The following DISP3 variants were observed in gnomAD, a reference collection of about 807,000 sequenced individuals.
DISP3 encodes the protein dispatched RND transporter family member 3.
A neutral mutation model predicts 135.3 loss-of-function variants in DISP3; 101 were observed. That is an observed-to-expected ratio of 0.75 (90% CI 0.64 to 0.88). DISP3 has a LOEUF of 0.88. Ranked by LOEUF, DISP3 falls within the 40% of genes least tolerant of loss-of-function variation. DISP3 has a pLI of 0.00. For missense variants in DISP3, 1,713 were observed against 1,878.6 expected, an observed-to-expected ratio of 0.91 and a Z score of 1.63; for synonymous variants, 856 against 817.0, an observed-to-expected ratio of 1.05 and a Z score of -0.81.
intron 17 of DISP3, among the ~76,000 whole-genome samples, chr1:11,533,118 C>T (rs1384186898): frequency 1.3e-5 from 2 of 151,956 alleles, no homozygotes; most frequent in Admixed American, 1.3e-4. Flanking sequence ...AGCTCTGTCC[C>T]TAGTAAACAC....
At chr1:11,533,868 C>G (rs1243158603) in intron 17 of DISP3, 1 of 717,386 alleles carries the variant, frequency 1.4e-6, no homozygotes, top group African/African-American at 1.7e-5. Context: ...ATGAGCACCT[C>G]TCGGGACTGG....
intron 1 of DISP3, among the ~76,000 whole-genome samples, chr1:11,489,550 C>T (rs1216373977): frequency 6.6e-6 from 1 of 152,214 alleles, no homozygotes; most frequent in Non-Finnish European, 1.5e-5. Flanking sequence ...AGTTATTCTG[C>T]AGAGAGGTGA....
At chr1:11,505,790 A>G (rs187403624) in intron 3 of DISP3, among the ~76,000 whole-genome samples, 12 of 152,336 alleles carry the variant, frequency 7.9e-5, no homozygotes, top group Admixed American at 4.6e-4. Flanking sequence ...AAGACATGAC[A>G]TCATTATTTT....
At chr1:11,515,332 C>T in intron 4 of DISP3, 37 bp from the exon 5 acceptor site, 1 of 1,611,300 alleles carries the variant, frequency 6.2e-7, no homozygotes. Flanking sequence ...CCATGAGGGT[C>T]CCCCCACCGT....
At position 11,533,467 on chromosome 1, in the gene DISP3, G is replaced by A. The variant is rs565968193; in HGVS notation, c.3376-914G>A. Among the ~76,000 whole-genome samples the A allele has an allele frequency of 4.6e-5, 7 of 152,060 alleles. No individual in the cohort carries two copies. In the East Asian group the frequency reaches 1.4e-3, roughly 29 times the overall value. ...AGACAGGGTTTCACCATGTTGGCCA[G>A]GCTGGTCTCGAACTCCTGATCTCAG... On this transcript the variant is annotated intron_variant, in intron 17 of 20. Coordinates refer to ENST00000294484, the MANE Select transcript of DISP3 (RefSeq NM_020780.2).
At chr1:11,523,519 G>A (rs1256529445) in intron 10 of DISP3, among the ~76,000 whole-genome samples, 1 of 142,730 alleles carries the variant, frequency 7.0e-6, no homozygotes, top group Admixed American at 7.0e-5. Flanking sequence ...AGGGGGCAGA[G>A]TGGCACAGAG....
chr1:11,532,455 C>T (rs143584899), intron 17 of DISP3, among the ~76,000 whole-genome samples: 10 of 152,202 alleles, frequency 6.6e-5, no homozygotes, highest in East Asian at 1.9e-4. Flanking sequence ...ATCAATGTGA[C>T]GGCTTAACTG....
intron 3 of DISP3, among the ~76,000 whole-genome samples, chr1:11,503,185 G>A (rs1452670229): frequency 6.6e-6 from 1 of 152,176 alleles, no homozygotes; most frequent in Non-Finnish European, 1.5e-5. Context: ...GATGGTGCTC[G>A]AGGTCTTTCT....
rs150474250 is a variant in DISP3 at position 11,519,547 on chromosome 1, C to G, written c.2038+44C>G. 1.0e-5 allele frequency: 16 copies of G among 1,603,202 alleles called. No homozygotes were observed. The highest frequency in any genetic ancestry group is 8.8e-5 in the South Asian group (8 of 90,504). ...CTGCCCTACTGACCCCAGTGAGACC[C>G]AGCGCTGCCTCTGCCAGGGGAGTAA... On this transcript the variant is annotated intron_variant, in intron 8 of 20. Coordinates refer to ENST00000294484, the MANE Select transcript of DISP3 (RefSeq NM_020780.2). This position sits in a 1 kb window ranked among gnomAD's most constrained non-coding sequence, Gnocchi z 4.3.
chr1:11,534,264 C>A, intron 17 of DISP3, 117 bp from the exon 18 acceptor site: 1 of 1,272,162 alleles, frequency 7.9e-7, no homozygotes, highest in Non-Finnish European at 1.1e-6. Context: ...GTTGTTCACA[C>A]CCTCCCCAAC....
At chr1:11,533,486 A>T (rs1570152155) in intron 17 of DISP3, among the ~76,000 whole-genome samples, 2 of 151,946 alleles carry the variant, frequency 1.3e-5, no homozygotes, top group Non-Finnish European at 2.9e-5. Flanking sequence ...CGAACTCCTG[A>T]TCTCAGGTGA....
intron 3 of DISP3, among the ~76,000 whole-genome samples, chr1:11,506,794 A>G (rs2100426924): frequency 6.6e-6 from 1 of 151,916 alleles, no homozygotes; most frequent in East Asian, 1.9e-4. Context: ...ATACCTGGTA[A>G]TTTTTATGTT....
At position 11,536,809 on chromosome 1, in the gene DISP3, C is replaced by A. The variant is rs1312831392; in HGVS notation, c.*123C>A. 7.8e-7 allele frequency: 1 copy of A among 1,283,746 alleles called. No individual in the cohort carries two copies. The highest frequency in any genetic ancestry group is 1.0e-6 in the Non-Finnish European group (1 of 964,258). The allele number at this position is 1,283,746 out of a possible 1,614,324, so 79.5% of individuals were successfully genotyped here. Reference sequence around the variant, plus strand: ...GGGCCCAGGGCGCCCTGCGGGCCAGCGTGGAGGCTGACACCCACACAGATG... The same window carrying A: ...GGGCCCAGGGCGCCCTGCGGGCCAGAGTGGAGGCTGACACCCACACAGATG... On this transcript the variant is annotated 3_prime_UTR_variant, in exon 21 of 21. Coordinates refer to ENST00000294484, the MANE Select transcript of DISP3 (RefSeq NM_020780.2). This position sits in a 1 kb window ranked among gnomAD's most constrained non-coding sequence, Gnocchi z 4.3.
intron 12 of DISP3, 24 bp downstream of exon 12, chr1:11,525,336 G>T (rs569786060): frequency 6.2e-7 from 1 of 1,603,318 alleles, no homozygotes; most frequent in Non-Finnish European, 8.5e-7. Flanking sequence ...GTCGTGAAGT[G>T]AGCCGCCACC....
chr1:11,489,648 C>T (rs570726474), intron 1 of DISP3, among the ~76,000 whole-genome samples: 1 of 152,310 alleles, frequency 6.6e-6, no homozygotes, highest in Non-Finnish European at 1.5e-5. Flanking sequence ...ATTTAGAGAG[C>T]ATCTCTTCCC....
At chr1:11,530,759 G>C (rs557898230) in intron 15 of DISP3, 148 bp from the exon 16 acceptor site, 5 of 1,068,018 alleles carry the variant, frequency 4.7e-6, no homozygotes, top group South Asian at 4.3e-5. Flanking sequence ...GGGTGGAGCA[G>C]TGGGTGAGCA....
chr1:11,524,207 A>C (rs1286745626), intron 11 of DISP3, 152 bp downstream of exon 11: 1 of 619,986 alleles, frequency 1.6e-6, no homozygotes, highest in Non-Finnish European at 2.8e-6. Context: ...ATGGGGGGTG[A>C]ATTTGGGGCC....
At chr1:11,509,475 T>C (rs777064685) in intron 3 of DISP3, among the ~76,000 whole-genome samples, 1 of 152,202 alleles carries the variant, frequency 6.6e-6, no homozygotes, top group Non-Finnish European at 1.5e-5. Context: ...TTTCTAGCAA[T>C]ATTGAGAGAG....
chr1:11,532,822 C>G (rs961636120), intron 17 of DISP3, among the ~76,000 whole-genome samples: 1 of 152,138 alleles, frequency 6.6e-6, no homozygotes, highest in African/African-American at 2.4e-5. Context: ...CTCAGCCTCC[C>G]CAGTAGCTGG....
Sources: gnomAD v4.1 joint callset for allele counts (sites outside exome capture counted in the v4.1 genomes callset) on GRCh38, gnomAD v4.1.1 for gene constraint, Gnocchi (gnomAD v3.1) non-coding constraint, MANE v1.5 for transcripts, NCBI Gene and HGNC (gene_info 2026-07-23, HGNC 2026-07-21) for gene names.